Variants in NWD2 observed in about 807,000 individuals in gnomAD.
NWD2 encodes the protein NACHT and WD repeat domain containing 2.
Under a neutral mutation model 132.7 loss-of-function variants are expected in NWD2, and 37 were observed. The observed-to-expected ratio is 0.28, with a 90% CI of 0.21 to 0.37. The LOEUF is 0.37. NWD2 is among the 10% of genes least tolerant of loss of function. The pLI is 1.00. For synonymous variants in NWD2, 705 were observed against 803.0 expected, an observed-to-expected ratio of 0.88 and a Z score of 2.06; for missense variants, 1,592 against 2,122.4, an observed-to-expected ratio of 0.75 and a Z score of 4.91.
chr4:37,403,650 C>T (rs969921956), intron 3 of NWD2, among the ~76,000 whole-genome samples: 1 of 144,620 alleles, frequency 6.9e-6, no homozygotes, highest in Non-Finnish European at 1.5e-5. Context: ...TAGGACAAAG[C>T]TATAATGCAT....
intron 3 of NWD2, among the ~76,000 whole-genome samples, chr4:37,364,792 C>T (rs558077957): frequency 1.7e-4 from 26 of 151,952 alleles, no homozygotes; most frequent in Non-Finnish European, 3.4e-4. Context: ...ACAGGCAGCT[C>T]CTGGCAGTGG....
At chr4:37,309,824 G>A (rs946172712) in intron 1 of NWD2, among the ~76,000 whole-genome samples, 5 of 152,178 alleles carry the variant, frequency 3.3e-5, no homozygotes, top group African/African-American at 1.2e-4. Flanking sequence ...CCTCAGGGAT[G>A]CCTCTGTCAC....
chr4:37,244,844 C>T lies in NWD2; in HGVS notation c.-224C>T. 1 of 553,896 alleles carries T rather than the reference C, an allele frequency of 1.8e-6. No individual in the cohort carries two copies. The highest frequency in any genetic ancestry group is 3.1e-6 in the Non-Finnish European group (1 of 320,720). The allele number at this position is 553,896 out of a possible 1,614,324, so 34.3% of individuals were successfully genotyped here. ...GGGCGAAGGCGGAGGCCCAGAAGGG[C>T]AGGAGACCGCCGCGACAGGAGCCCG... On this transcript the variant is annotated 5_prime_UTR_variant, in exon 1 of 7. Transcript: ENST00000309447. This position sits in a 1 kb window ranked among gnomAD's most constrained non-coding sequence, Gnocchi z 5.5.
intron 1 of NWD2, among the ~76,000 whole-genome samples, chr4:37,302,558 A>G (rs1718631170): frequency 6.6e-6 from 1 of 152,202 alleles, no homozygotes; most frequent in South Asian, 2.1e-4. Flanking sequence ...TAATGATTAC[A>G]CTAATTTACA....
At chr4:37,395,315 A>C (rs1177323515) in intron 3 of NWD2, among the ~76,000 whole-genome samples, 3 of 152,060 alleles carry the variant, frequency 2.0e-5, no homozygotes, top group Admixed American at 1.3e-4. Flanking sequence ...TTGAGGACAC[A>C]TAGGAGAAGG....
chr4:37,279,533 A>T (rs1402549360), intron 1 of NWD2, among the ~76,000 whole-genome samples: 3 of 152,222 alleles, frequency 2.0e-5, no homozygotes, highest in African/African-American at 7.2e-5. Context: ...AAAAGTACTC[A>T]AAAGTAGAAG....
chr4:37,385,610 G>A (rs1720544008), intron 3 of NWD2, among the ~76,000 whole-genome samples: 2 of 152,260 alleles, frequency 1.3e-5, no homozygotes, highest in East Asian at 3.9e-4. Flanking sequence ...TTACTACAGT[G>A]AGGGTCCCCT....
In NWD2 at chr4:37,245,129, C is replaced by T. The variant is rs911226066; in HGVS notation, c.62C>T (p.Ala21Val). The T allele has an allele frequency of 2.6e-6, 4 of 1,547,768 alleles. No individual in the cohort carries two copies. The highest frequency in any genetic ancestry group is 2.6e-6 in the Non-Finnish European group (3 of 1,146,648). Residue 21 changes from alanine (A) to valine (V), a missense_variant, in exon 1 of 7, where the codon GCG becomes GTG. Coordinates refer to ENST00000309447, the MANE Select transcript of NWD2 (RefSeq NM_001144990.2). ...PCPRDSALRRAAFSGNLTALP... is the reference protein window; with the variant it reads ...PCPRDSALRRVAFSGNLTALP... ...CCCCGAGACTCTGCGCTCCGGCGGG[C>T]GGCTTTCTCTGGGAACCTCACGGCC... is the stretch of plus-strand genomic sequence containing the variant.
chr4:37,310,820 T>G (rs1024452568), intron 1 of NWD2, among the ~76,000 whole-genome samples: 1 of 128,542 alleles, frequency 7.8e-6, no homozygotes, highest in Non-Finnish European at 1.6e-5. Flanking sequence ...AGTGTGATGT[T>G]CCCCTTCCTG....
intron 4 of NWD2, 38 bp from the exon 5 acceptor site, chr4:37,433,838 G>T: frequency 6.8e-7 from 1 of 1,460,374 alleles, no homozygotes; most frequent in South Asian, 1.4e-5. Flanking sequence ...TTTCTTTGAT[G>T]ATTGTAAGAC....
intron 3 of NWD2, among the ~76,000 whole-genome samples, chr4:37,379,899 G>T (rs980337029): frequency 6.6e-6 from 1 of 152,088 alleles, no homozygotes; most frequent in African/African-American, 2.4e-5. Flanking sequence ...GCTTTACCCC[G>T]TGTTATCTTT....
Position 37,439,433 on chromosome 4 carries a change from A to G in NWD2, c.1296+43A>G, listed in dbSNP as rs892702531. 1 of 1,260,066 alleles carries G rather than the reference A, an allele frequency of 7.9e-7. No homozygotes were observed. Among genetic ancestry groups the G allele is most frequent in the Non-Finnish European group, 1.1e-6 (1 of 941,536 alleles). 78.1% of individuals were successfully genotyped at this position (1,260,066 alleles called of 1,614,324 possible). On this transcript the variant is annotated intron_variant, in intron 6 of 6. Coordinates refer to ENST00000309447, the MANE Select transcript of NWD2 (RefSeq NM_001144990.2). This position sits in a 1 kb window ranked among gnomAD's most constrained non-coding sequence, Gnocchi z 4.5. ...CCCGTGTATATTTGTAAAAACTTGT[A>G]CTTTTGGAAAATGGTAAATTAATCA...
chr4:37,262,679 A>G (rs1340114068), intron 1 of NWD2, among the ~76,000 whole-genome samples: 1 of 152,172 alleles, frequency 6.6e-6, no homozygotes, highest in Non-Finnish European at 1.5e-5. Context: ...TAAAATGGAA[A>G]TGGATGAGAG....
chr4:37,383,795 A>G (rs971283011), intron 3 of NWD2, among the ~76,000 whole-genome samples: 3 of 152,254 alleles, frequency 2.0e-5, no homozygotes, highest in Admixed American at 6.5e-5. Flanking sequence ...GTAAGTTTGC[A>G]AAAGTTTTCT....
rs1020278397 is a variant in NWD2, at chr4:37,420,408, G to A, written c.358-10164G>A. On this transcript the variant is annotated intron_variant, in intron 3 of 6. Coordinates refer to ENST00000309447, the MANE Select transcript of NWD2 (RefSeq NM_001144990.2). ...CTCTCCTAGGAGAAAGGCACAGGCC[G>A]GGCATGGTGGCTCACACCTATAATC... is the stretch of plus-strand genomic sequence containing the variant. Among the ~76,000 whole-genome samples the A allele has an allele frequency of 5.3e-5, 8 of 152,202 alleles. No homozygotes were observed. The South Asian group carries it at 8.3e-4, about 16-fold the overall frequency.
chr4:37,354,971 A>G (rs1719843353), intron 2 of NWD2, among the ~76,000 whole-genome samples: 1 of 152,178 alleles, frequency 6.6e-6, no homozygotes, highest in South Asian at 2.1e-4. Flanking sequence ...TTCATTTATT[A>G]CTAGATGATT....
intron 1 of NWD2, among the ~76,000 whole-genome samples, chr4:37,279,447 G>A (rs939682207): frequency 3.3e-5 from 5 of 152,110 alleles, no homozygotes; most frequent in Admixed American, 3.3e-4. Flanking sequence ...CATTGTAAGT[G>A]AATATCAGTT....
intron 3 of NWD2, among the ~76,000 whole-genome samples, chr4:37,412,208 G>A (rs187616700): frequency 6.6e-6 from 1 of 152,316 alleles, no homozygotes. Flanking sequence ...TCTGTTTGCA[G>A]ATGGCATGAT....
chr4:37,289,436 G>T (rs1170392058), intron 1 of NWD2, among the ~76,000 whole-genome samples: 1 of 152,050 alleles, frequency 6.6e-6, no homozygotes, highest in Non-Finnish European at 1.5e-5. Context: ...TGAAAGAATT[G>T]TACAGTAAAC....
Sources: allele counts gnomAD v4.1 joint callset (sites outside exome capture counted in the v4.1 genomes callset), GRCh38; gene constraint gnomAD v4.1.1; non-coding constraint Gnocchi (gnomAD v3.1); transcripts MANE v1.5; gene names NCBI Gene and HGNC (gene_info 2026-07-23, HGNC 2026-07-21).